Variants in TANC2 observed in about 807,000 individuals in gnomAD.
TANC2 encodes the protein tetratricopeptide repeat, ankyrin repeat and coiled-coil containing 2.
In TANC2, 26 loss-of-function variants were observed where a neutral mutation model predicts 210.5. That is an observed-to-expected ratio of 0.12 (90% CI 0.09 to 0.17). The LOEUF (loss-of-function observed/expected upper bound fraction) is 0.17, where lower values mean the gene tolerates loss of function less well. Among genes scored for constraint, TANC2 ranks in the 10% least tolerant of loss-of-function variants. The pLI, the probability that TANC2 is intolerant of heterozygous loss-of-function variation, is 1.00. For missense variants in TANC2, 2,129 were observed against 2,608.9 expected (o/e 0.82, Z 4.01); for synonymous variants, 931 against 967.1 (o/e 0.96, Z 0.69).
rs115035104 is a variant in TANC2 at position 63,247,867 on chromosome 17, T to G, written c.1033+9790T>G. 8.4e-3 allele frequency among the ~76,000 whole-genome samples: 1,283 copies of G among 152,220 alleles called. 15 individuals carry two copies. The highest frequency in any genetic ancestry group is 0.028 in the African/African-American group (1,174 of 41,574). On this transcript the variant is annotated intron_variant, in intron 8 of 27. Transcript: ENST00000689528. The stretch of plus-strand genomic sequence containing the variant: ...ACTTTGGCCTACAGGGCAAGTCATA[T>G]GTCAGGGAATAGTTTGTATTAGGTT...
At chr17:62,986,084 A>T (rs1486782361) in intron 1 of TANC2, among the ~76,000 whole-genome samples, 1 of 152,210 alleles carries the variant, frequency 6.6e-6, no homozygotes, top group Non-Finnish European at 1.5e-5. Flanking sequence ...TTCTGGGCAG[A>T]TGCTGTAGTG....
intron 7 of TANC2, among the ~76,000 whole-genome samples, chr17:63,203,222 A>G (rs1438233129): frequency 6.6e-6 from 1 of 152,180 alleles, no homozygotes; most frequent in Non-Finnish European, 1.5e-5. Context: ...CAGTTCTAAA[A>G]TCTGAAAACT....
intron 5 of TANC2, among the ~76,000 whole-genome samples, chr17:63,191,512 G>A (rs1410549048): frequency 6.6e-6 from 1 of 151,952 alleles, no homozygotes; most frequent in African/African-American, 2.4e-5. Flanking sequence ...GCCCAGGCTG[G>A]AGTGCAGTGA....
At chr17:63,274,568 C>G (rs958309849) in intron 9 of TANC2, among the ~76,000 whole-genome samples, 1 of 152,072 alleles carries the variant, frequency 6.6e-6, no homozygotes, top group Non-Finnish European at 1.5e-5. Flanking sequence ...AATCCCAGCA[C>G]TTTGGGAGGC....
At chr17:63,334,066 AC>A (rs1349977011) in intron 11 of TANC2, 7 of 152,160 alleles carry the variant, frequency 4.6e-5, no homozygotes, top group Non-Finnish European at 7.3e-5. Flanking sequence ...CTGGAACAAA[AC>A]CCACAGTATC....
Position 63,372,228 on chromosome 17 carries a change from G to C in TANC2, c.2583-7490G>C, listed in dbSNP as rs139128115. Among the ~76,000 whole-genome samples the C allele has an allele frequency of 4.3e-3, 657 of 152,292 alleles. 6 individuals carry two copies. The highest frequency in any genetic ancestry group is 0.014 in the African/African-American group (572 of 41,546). ...TTTTTACCTTGTTTCTTAGGGATCA[G>C]TTAGCTCTGTCCTTACCCTCCCCTC... On this transcript the variant is annotated intron_variant, in intron 14 of 27. Transcript: ENST00000689528.
chr17:63,418,360 A>G lies in TANC2; in HGVS notation c.4221A>G (p.Lys1407=), dbSNP rs775944780. 6.2e-7 allele frequency: 1 copy of G among 1,613,442 alleles called. No homozygotes were observed. The highest frequency in any genetic ancestry group is 8.5e-7 in the Non-Finnish European group (1 of 1,179,718). ...CTAAGGCCCTGGAGCTGAAACCGAA[A>G]TCTTATGAAGCTTACTATGCGAGAG... Residue 1407 remains lysine (K), a synonymous_variant, in exon 27 of 28, where the codon AAA becomes AAG. Coordinates refer to ENST00000689528, the Ensembl canonical transcript of TANC2. This position sits in a 1 kb window ranked among gnomAD's most constrained non-coding sequence, Gnocchi z 4.6.
intron 9 of TANC2, among the ~76,000 whole-genome samples, chr17:63,293,071 T>C (rs2044429498): frequency 6.6e-6 from 1 of 152,244 alleles, no homozygotes; most frequent in South Asian, 2.1e-4. Context: ...GAGTGTGTTT[T>C]AGGACCTGAT....
exon 8 of TANC2, chr17:63,237,863 G>A (rs533149460): frequency 6.4e-7 from 1 of 1,555,064 alleles, no homozygotes; most frequent in African/African-American, 1.4e-5. Flanking sequence ...AATATGCTGG[G>A]GAAAGCAGTA....
At chr17:63,142,264 T>G (rs2039316072) in intron 4 of TANC2, among the ~76,000 whole-genome samples, 1 of 152,228 alleles carries the variant, frequency 6.6e-6, no homozygotes, top group Non-Finnish European at 1.5e-5. Context: ...AATTACTAAT[T>G]CAGTTTATTT....
At position 63,421,171 on chromosome 17, in the gene TANC2, A is replaced by C. The variant is rs777277066; in HGVS notation, c.5441A>C (p.His1814Pro). 3.7e-6 allele frequency: 6 copies of C among 1,613,784 alleles called. No individual in the cohort carries two copies. In the African/African-American group the frequency reaches 6.7e-5, roughly 18 times the overall value. The change falls in exon 28 of 28, where the codon CAC (histidine) becomes CCC (proline). Residue 1814 changes from histidine (H) to proline (P), a missense_variant. Physicochemically the swap from His to Pro is moderately conservative, Grantham distance 77 (BLOSUM62 -2). Around this residue, in one of 5 missense-constraint regions of TANC2, gnomAD observed 584 missense variants for 627.3 expected, o/e 0.93. Transcript: ENST00000689528. This position sits in a 1 kb window ranked among gnomAD's most constrained non-coding sequence, Gnocchi z 6.9. ...TCAGCATCCTATTACCCAGTCTGTC[A>C]CTCAAAACTAGATCTGGAGCGCTCC... is the stretch of plus-strand genomic sequence containing the variant.
intron 9 of TANC2, among the ~76,000 whole-genome samples, chr17:63,312,556 A>G (rs1840369699): frequency 6.6e-6 from 1 of 152,136 alleles, no homozygotes; most frequent in African/African-American, 2.4e-5. Flanking sequence ...TGGTAACAGT[A>G]GACACTGGGG....
chr17:63,298,389 C>G (rs1183912201), intron 9 of TANC2, among the ~76,000 whole-genome samples: 2 of 152,140 alleles, frequency 1.3e-5, no homozygotes, highest in South Asian at 2.1e-4. Flanking sequence ...AGTACTGATA[C>G]AAGCTACAAC....
intron 14 of TANC2, among the ~76,000 whole-genome samples, chr17:63,369,266 C>T (rs1226674822): frequency 2.0e-5 from 3 of 152,182 alleles, no homozygotes; most frequent in Non-Finnish European, 4.4e-5. Context: ...AGAGAAACAT[C>T]CATTTAAAGG....
At chr17:63,317,271 C>G (rs531190658) in intron 10 of TANC2, among the ~76,000 whole-genome samples, 64 of 152,202 alleles carry the variant, frequency 4.2e-4, no homozygotes, top group Middle Eastern at 6.8e-3. Context: ...TACTGCCTTG[C>G]TTGGCTGTCC....
At chr17:63,245,012 G>A (rs1452814766) in intron 8 of TANC2, among the ~76,000 whole-genome samples, 1 of 152,172 alleles carries the variant, frequency 6.6e-6, no homozygotes, top group Admixed American at 6.5e-5. Context: ...AAATTACCCA[G>A]TCTAGGGTAC....
chr17:63,030,272 AC>A (rs1343181359), intron 2 of TANC2, among the ~76,000 whole-genome samples: 2 of 152,150 alleles, frequency 1.3e-5, no homozygotes, highest in Non-Finnish European at 2.9e-5. Flanking sequence ...TACTAGAGAT[AC>A]AATTTAAAAT....
At chr17:62,969,254 T>C (rs188681323) in intron 1 of TANC2, among the ~76,000 whole-genome samples, 1 of 152,352 alleles carries the variant, frequency 6.6e-6, no homozygotes, top group East Asian at 1.9e-4. Flanking sequence ...TTATTTCTGT[T>C]TTACAGATGA....
intron 5 of TANC2, among the ~76,000 whole-genome samples, chr17:63,188,418 C>T (rs1331199287): frequency 1.3e-5 from 2 of 151,786 alleles, no homozygotes; most frequent in Non-Finnish European, 2.9e-5. Context: ...ATGGTGAAAC[C>T]CCATCTCTAC....
Sources: gnomAD v4.1 joint callset for allele counts (sites outside exome capture counted in the v4.1 genomes callset) on GRCh38, gnomAD v4.1.1 for gene constraint, gnomAD v4.1.1 regional missense constraint, Gnocchi (gnomAD v3.1) non-coding constraint, MANE v1.5 for transcripts, NCBI Gene and HGNC (gene_info 2026-07-23, HGNC 2026-07-21) for gene names.